Variants in AK8 observed in about 807,000 individuals in gnomAD.
The protein encoded by AK8 is adenylate kinase 8.
AK8 carries 44 observed loss-of-function variants against 54.6 expected under a neutral mutation model. The ratio of observed to expected loss-of-function variants is 0.81; its 90% CI spans 0.63 to 1.04. AK8 has a LOEUF of 1.04. Ranked by LOEUF, AK8 falls within the 50% of genes least tolerant of loss-of-function variation. AK8 has a pLI of 0.00. For synonymous variants in AK8, 239 were observed against 245.6 expected (o/e 0.97, Z 0.25); for missense variants, 555 against 613.6 (o/e 0.90, Z 1.01).
At chr9:132,732,584 G>A (rs544407771) in intron 11 of AK8, among the ~76,000 whole-genome samples, 30 of 152,186 alleles carry the variant, frequency 2.0e-4, no homozygotes, top group South Asian at 6.2e-4. Context: ...GGGCTTGCCG[G>A]AGAGAAATGA....
At chr9:132,755,847 A>G (rs1838162855) in intron 11 of AK8, among the ~76,000 whole-genome samples, 1 of 151,404 alleles carries the variant, frequency 6.6e-6, no homozygotes, top group Admixed American at 6.6e-5. Context: ...TGCTCACTGC[A>G]ACCTTCGCCC....
chr9:132,805,147 AC>A (rs1321383284), intron 10 of AK8, among the ~76,000 whole-genome samples: 1 of 152,214 alleles, frequency 6.6e-6, no homozygotes, highest in Non-Finnish European at 1.5e-5. Context: ...AGCTGAGCGC[AC>A]TGGCGGTTTG....
chr9:132,736,756 GC>G (rs1837137937), intron 11 of AK8, among the ~76,000 whole-genome samples: 1 of 143,554 alleles, frequency 7.0e-6, no homozygotes, highest in Non-Finnish European at 1.5e-5. Flanking sequence ...CTGCACTCCA[GC>G]CTGGGTGACA....
intron 11 of AK8, among the ~76,000 whole-genome samples, chr9:132,788,870 ATG>A (rs1173578891): frequency 6.6e-6 from 1 of 152,252 alleles, no homozygotes. Flanking sequence ...AAGCACAAGA[ATG>A]TGGAAAAATT....
chr9:132,851,182 T>C (rs1842957821), intron 5 of AK8, among the ~76,000 whole-genome samples: 1 of 152,176 alleles, frequency 6.6e-6, no homozygotes, highest in Admixed American at 6.5e-5. Flanking sequence ...GATACCTCTG[T>C]GGGGTTTTTC....
intron 11 of AK8, among the ~76,000 whole-genome samples, chr9:132,745,942 G>C (rs939265794): frequency 5.9e-5 from 9 of 152,210 alleles, no homozygotes; most frequent in African/African-American, 2.2e-4. Context: ...TCCCCAAGGA[G>C]TAAAATGATC....
At chr9:132,739,441 CAAAAAAAAAAAAAAAAAAAAAAAAAAAA>C (rs768297504) in intron 11 of AK8, among the ~76,000 whole-genome samples, 2 of 31,142 alleles carry the variant, frequency 6.4e-5, no homozygotes, top group Non-Finnish European at 1.1e-4. Context: ...GACTCTGTCT[CAAAAAAAAAAAAAAAAAAAAAAAAAAAA>C]AAAAAAAAAA....
At chr9:132,836,063 C>T (rs573271251) in intron 5 of AK8, among the ~76,000 whole-genome samples, 41 of 152,182 alleles carry the variant, frequency 2.7e-4, no homozygotes, top group Middle Eastern at 3.4e-3. Flanking sequence ...GTGGAGGTTG[C>T]GGTGAGCTGA....
chr9:132,768,037 C>T (rs1272722588), intron 11 of AK8, among the ~76,000 whole-genome samples: 1 of 152,080 alleles, frequency 6.6e-6, no homozygotes, highest in East Asian at 1.9e-4. Flanking sequence ...TGTTTGATAG[C>T]ACAGTAGGGG....
At chr9:132,800,558 A>G (rs568582041) in intron 10 of AK8, among the ~76,000 whole-genome samples, 1 of 152,288 alleles carries the variant, frequency 6.6e-6, no homozygotes, top group African/African-American at 2.4e-5. Flanking sequence ...TTCCCCAAGT[A>G]GGAGATGAAA....
chr9:132,815,050 T>C (rs1841262282), intron 9 of AK8, among the ~76,000 whole-genome samples: 1 of 152,224 alleles, frequency 6.6e-6, no homozygotes, highest in Admixed American at 6.5e-5. Context: ...CTGGAATTGC[T>C]GCGCAGAACT....
intron 10 of AK8, among the ~76,000 whole-genome samples, chr9:132,804,968 C>T (rs548182579): frequency 1.1e-3 from 172 of 152,316 alleles, no homozygotes; most frequent in African/African-American, 4.0e-3. Flanking sequence ...GAGGATGTTC[C>T]CAGAGGGAAA....
At chr9:132,838,440 C>T (rs1207476549) in intron 5 of AK8, among the ~76,000 whole-genome samples, 2 of 152,140 alleles carry the variant, frequency 1.3e-5, no homozygotes, top group Admixed American at 6.6e-5. Flanking sequence ...GGAAACACCC[C>T]CGGCCAGTAC....
chr9:132,818,401 G>A (rs544258155), intron 9 of AK8, among the ~76,000 whole-genome samples: 10 of 152,080 alleles, frequency 6.6e-5, no homozygotes, highest in Non-Finnish European at 1.0e-4. Flanking sequence ...TATAACATAC[G>A]CAGAAGTAAA....
At chr9:132,876,632 TATGTTAG>T (rs1378332206) in intron 1 of AK8, among the ~76,000 whole-genome samples, 1 of 152,222 alleles carries the variant, frequency 6.6e-6, no homozygotes, top group East Asian at 1.9e-4. Flanking sequence ...GTGCTACAGT[TATGTTAG>T]ATGTTATCAC....
intron 5 of AK8, among the ~76,000 whole-genome samples, chr9:132,845,509 G>A (rs1433428660): frequency 6.6e-6 from 1 of 152,186 alleles, no homozygotes; most frequent in Admixed American, 6.5e-5. Flanking sequence ...ACTATTCTAG[G>A]CCGGGTGCAG....
intron 3 of AK8, among the ~76,000 whole-genome samples, chr9:132,866,104 A>G (rs775521060): frequency 2.6e-5 from 4 of 152,144 alleles, no homozygotes; most frequent in Non-Finnish European, 4.4e-5. Flanking sequence ...AGGCTGAGGC[A>G]TGAGAATCGC....
At chr9:132,861,233 C>G (rs539686963) in intron 4 of AK8, among the ~76,000 whole-genome samples, 1 of 152,210 alleles carries the variant, frequency 6.6e-6, no homozygotes, top group Non-Finnish European at 1.5e-5. Flanking sequence ...TTACAGTGTG[C>G]CCTTTGGGAA....
intron 10 of AK8, among the ~76,000 whole-genome samples, chr9:132,795,776 A>G (rs1352831998): frequency 6.6e-6 from 1 of 152,136 alleles, no homozygotes; most frequent in Non-Finnish European, 1.5e-5. Flanking sequence ...TCTAAGAGTC[A>G]TGGGTACTGT....
Sources: allele counts gnomAD v4.1 joint callset (sites outside exome capture counted in the v4.1 genomes callset), GRCh38; gene constraint gnomAD v4.1.1; transcripts MANE v1.5; gene names NCBI Gene and HGNC (gene_info 2026-07-23, HGNC 2026-07-21).